The following DNAH14 variants were observed in gnomAD, a reference collection of about 807,000 sequenced individuals.
The protein encoded by DNAH14 is dynein axonemal heavy chain 14.
Under a neutral mutation model 520.9 loss-of-function variants are expected in DNAH14, and 478 were observed. The observed-to-expected ratio is 0.92, with a 90% CI of 0.85 to 0.99. DNAH14 has a LOEUF of 0.99. Among genes scored for constraint, DNAH14 ranks in the 50% least tolerant of loss-of-function variants. The pLI is 0.00. For missense variants in DNAH14, 4,831 were observed against 5,234.5 expected (o/e 0.92, Z 2.38); for synonymous variants, 1,581 against 1,757.2 (o/e 0.90, Z 2.51).
chr1:224,976,332 A>G (rs181913995), intron 8 of DNAH14, among the ~76,000 whole-genome samples: 1 of 152,270 alleles, frequency 6.6e-6, no homozygotes, highest in African/African-American at 2.4e-5. Context: ...GGGGTGTTAA[A>G]GTCTCCCATT....
intron 27 of DNAH14, among the ~76,000 whole-genome samples, chr1:225,126,265 A>G (rs1371881136): frequency 1.3e-5 from 2 of 152,142 alleles, no homozygotes; most frequent in Admixed American, 1.3e-4. Flanking sequence ...GGTTACCACA[A>G]ATCTTCAATT....
chr1:225,038,377 C>T (rs2067159707), intron 11 of DNAH14, among the ~76,000 whole-genome samples: 1 of 151,726 alleles, frequency 6.6e-6, no homozygotes, highest in Non-Finnish European at 1.5e-5. Flanking sequence ...GTGGTCTGTA[C>T]TCTCCTTGTA....
intron 55 of DNAH14, among the ~76,000 whole-genome samples, chr1:225,292,688 A>G (rs1281860586): frequency 6.6e-6 from 1 of 152,136 alleles, no homozygotes; most frequent in Non-Finnish European, 1.5e-5. Context: ...TGCTTTAGGT[A>G]GTATGGTCAT....
At chr1:225,270,929 A>T in intron 50 of DNAH14, 63 bp downstream of exon 50, 1 of 1,464,346 alleles carries the variant, frequency 6.8e-7, no homozygotes, top group Non-Finnish European at 9.2e-7. Flanking sequence ...GAAAAATACG[A>T]GAACTTAAAT....
intron 73 of DNAH14, chr1:225,354,160 G>C: frequency 2.8e-6 from 2 of 702,386 alleles, no homozygotes. Flanking sequence ...TTTGGGATTT[G>C]TCTGCCTATA....
chr1:225,030,664 G>C (rs1214483314), intron 11 of DNAH14, among the ~76,000 whole-genome samples: 1 of 151,820 alleles, frequency 6.6e-6, no homozygotes, highest in Non-Finnish European at 1.5e-5. Flanking sequence ...CTAACATCTG[G>C]TAGAAAATTG....
At chr1:225,250,942 A>G (rs1314775974) in intron 43 of DNAH14, among the ~76,000 whole-genome samples, 1 of 152,158 alleles carries the variant, frequency 6.6e-6, no homozygotes, top group Admixed American at 6.5e-5. Flanking sequence ...TGGCATCCTT[A>G]GAAGAAAAGG....
chr1:225,070,887 A>G (rs2148489119), intron 17 of DNAH14, among the ~76,000 whole-genome samples: 1 of 152,354 alleles, frequency 6.6e-6, no homozygotes, highest in South Asian at 2.1e-4. Flanking sequence ...ACATATATTT[A>G]GGATAGTTAG....
intron 60 of DNAH14, among the ~76,000 whole-genome samples, chr1:225,310,089 G>A (rs1046451119): frequency 1.3e-5 from 2 of 150,792 alleles, no homozygotes; most frequent in East Asian, 1.9e-4. Flanking sequence ...ATAAGAGTAC[G>A]GCTTAATTTC....
intron 43 of DNAH14, among the ~76,000 whole-genome samples, chr1:225,248,932 A>G (rs746390683): frequency 4.6e-5 from 7 of 152,232 alleles, no homozygotes; most frequent in Non-Finnish European, 7.3e-5. Flanking sequence ...AGGTCCTGGT[A>G]CAACTCCATT....
intron 83 of DNAH14, among the ~76,000 whole-genome samples, chr1:225,390,118 G>T (rs1411333005): frequency 6.6e-6 from 1 of 152,102 alleles, no homozygotes; most frequent in Non-Finnish European, 1.5e-5. Flanking sequence ...GCCTTGGCAG[G>T]TCACTGTATC....
At chr1:225,051,918 A>G (rs1389848668) in intron 17 of DNAH14, 123 bp downstream of exon 17, 1 of 681,464 alleles carries the variant, frequency 1.5e-6, no homozygotes, top group Non-Finnish European at 2.3e-6. Flanking sequence ...AAGGTGAAAA[A>G]ATGAAGATAT....
intron 22 of DNAH14, among the ~76,000 whole-genome samples, chr1:225,097,556 T>C (rs1257239935): frequency 6.6e-6 from 1 of 152,026 alleles, no homozygotes; most frequent in Non-Finnish European, 1.5e-5. Flanking sequence ...GGTGGATCAC[T>C]TGAGGTCAGG....
At chr1:225,055,971 T>C (rs879518815) in intron 17 of DNAH14, among the ~76,000 whole-genome samples, 1 of 152,064 alleles carries the variant, frequency 6.6e-6, no homozygotes, top group Non-Finnish European at 1.5e-5. Context: ...GTCTTTGCTA[T>C]TGTGAATAGT....
chr1:225,145,204 A>G, intron 29 of DNAH14, 122 bp from the exon 30 acceptor site: 19 of 595,040 alleles, frequency 3.2e-5, no homozygotes, highest in Admixed American at 3.4e-5. Flanking sequence ...TTGATTTTTA[A>G]TTCATCTCCA....
chr1:225,009,884 A>C (rs1486532857), intron 10 of DNAH14, among the ~76,000 whole-genome samples: 2 of 152,126 alleles, frequency 1.3e-5, no homozygotes, highest in Non-Finnish European at 2.9e-5. Context: ...GCTCATGATT[A>C]GGTTCTCTGT....
At chr1:225,008,913 T>G (rs2064439939) in intron 10 of DNAH14, among the ~76,000 whole-genome samples, 1 of 152,226 alleles carries the variant, frequency 6.6e-6, no homozygotes, top group Non-Finnish European at 1.5e-5. Context: ...AATGTCTTCT[T>G]TTGAAAAGTG....
At chr1:225,140,063 A>G (rs568435003) in intron 27 of DNAH14, among the ~76,000 whole-genome samples, 1 of 152,318 alleles carries the variant, frequency 6.6e-6, no homozygotes, top group South Asian at 2.1e-4. Flanking sequence ...ACTTTATGCT[A>G]ATTATTCCCA....
intron 9 of DNAH14, among the ~76,000 whole-genome samples, chr1:225,005,755 A>G (rs1468803125): frequency 6.6e-6 from 1 of 152,138 alleles, no homozygotes; most frequent in Non-Finnish European, 1.5e-5. Flanking sequence ...GTATTTTGTT[A>G]AGAGAATTAA....
Sources: allele counts gnomAD v4.1 joint callset (sites outside exome capture counted in the v4.1 genomes callset), GRCh38; gene constraint gnomAD v4.1.1; transcripts MANE v1.5; gene names NCBI Gene and HGNC (gene_info 2026-07-23, HGNC 2026-07-21).